The following DOP1B variants were observed in gnomAD, a reference collection of about 807,000 sequenced individuals.
The protein encoded by DOP1B is protein DOP1B.
DOP1B carries 174 observed loss-of-function variants against 233.5 expected under a neutral mutation model. The observed-to-expected ratio is 0.75, with a 90% CI of 0.66 to 0.85. The LOEUF is 0.85. Among genes scored for constraint, DOP1B ranks in the 40% least tolerant of loss-of-function variants. DOP1B has a pLI of 0.00. For missense variants in DOP1B, 2,652 were observed against 2,846.6 expected (o/e 0.93, Z 1.56); for synonymous variants, 1,190 against 1,185.6 (o/e 1.00, Z -0.08).
rs1009270201 is a variant in DOP1B at position 36,228,020 on chromosome 21, C to T, written c.1665+143C>T. 2.8e-5 allele frequency: 25 copies of T among 888,752 alleles called. No individual in the cohort carries two copies. In the Admixed American group the frequency reaches 7.3e-4, roughly 26 times the overall value. The allele number at this position is 888,752 out of a possible 1,614,324, so 55.1% of individuals were successfully genotyped here. A position where few individuals can be genotyped will look rare whatever the true frequency, so the allele number is the denominator to read the frequency against. On this transcript the variant is annotated intron_variant, in intron 13 of 36. Transcript: ENST00000691173. ...TGATATGTCAAATATGCTTGTAAAACCCTCACTTTAAAAGGTTTTAGCACC... is the reference window on the plus strand; with the variant it reads ...TGATATGTCAAATATGCTTGTAAAATCCTCACTTTAAAAGGTTTTAGCACC...
At chr21:36,228,158 A>G (rs934368519) in intron 13 of DOP1B, among the ~76,000 whole-genome samples, 4 of 151,804 alleles carry the variant, frequency 2.6e-5, no homozygotes, top group African/African-American at 9.7e-5. Flanking sequence ...GCAAGCCTTC[A>G]TCTCTCTACA....
chr21:36,227,590 T>C, intron 12 of DOP1B, 96 bp from the exon 13 acceptor site: 3 of 1,045,466 alleles, frequency 2.9e-6, no homozygotes, highest in Non-Finnish European at 4.1e-6. Context: ...GTGAAATTTA[T>C]GCCCTAAAAA....
intron 24 of DOP1B, chr21:36,261,681 G>C: frequency 1.0e-6 from 1 of 980,600 alleles, no homozygotes; most frequent in Non-Finnish European, 1.2e-6. Context: ...GCTAGAGTGG[G>C]TGAGTCACTT....
At chr21:36,256,216 C>T (rs11910590) in intron 23 of DOP1B, among the ~76,000 whole-genome samples, 34,463 of 151,940 alleles carry the variant, frequency 0.23, 4,222 homozygotes, top group African/African-American at 0.32. Flanking sequence ...GCCTGTAGTC[C>T]TAGCACTTTA....
chr21:36,245,457 G>A lies in DOP1B; in HGVS notation c.3477G>A (p.Ser1159=), dbSNP rs373231805. The A allele has an allele frequency of 1.5e-5, 24 of 1,613,770 alleles. No homozygotes were observed. The highest frequency in any genetic ancestry group is 1.6e-4 in the Middle Eastern group (1 of 6,084). Residue 1159 remains serine, a synonymous_variant, in exon 19 of 37, where the codon TCG becomes TCA. Transcript: ENST00000691173. This position sits in a 1 kb window ranked among gnomAD's most constrained non-coding sequence, Gnocchi z 5.5. Reference sequence around the variant, plus strand: ...GGGGCAGGGCGTACCCCAAGCGCTCGGCCCTGCTGGCGGCCTTCCAGTCAG... The same window carrying A: ...GGGGCAGGGCGTACCCCAAGCGCTCAGCCCTGCTGGCGGCCTTCCAGTCAG... ...PMGGRAYPKR[S]ALLAAFQSES... is the part of the protein sequence containing the mutation.
At chr21:36,282,033 G>A (rs1299979558) in intron 32 of DOP1B, among the ~76,000 whole-genome samples, 1 of 152,198 alleles carries the variant, frequency 6.6e-6, no homozygotes, top group Non-Finnish European at 1.5e-5. Flanking sequence ...GGGGTCTACT[G>A]CGTGCTTTGG....
chr21:36,280,875 G>A (rs894785144), intron 31 of DOP1B, among the ~76,000 whole-genome samples: 7 of 151,996 alleles, frequency 4.6e-5, no homozygotes, highest in Admixed American at 1.3e-4. Context: ...AGTGGCGGGC[G>A]CCTGTAGTCC....
chr21:36,175,286 T>G (rs1430772458), intron 2 of DOP1B, among the ~76,000 whole-genome samples: 1 of 151,890 alleles, frequency 6.6e-6, no homozygotes, highest in East Asian at 2.0e-4. Flanking sequence ...AATTTTTGTA[T>G]TTTTAGTAGA....
chr21:36,190,447 G>A (rs996877563), intron 2 of DOP1B, among the ~76,000 whole-genome samples: 3 of 151,470 alleles, frequency 2.0e-5, no homozygotes, highest in African/African-American at 7.3e-5. Context: ...ACTCAGGCTG[G>A]AGTGCAGTGG....
rs183791804 is a variant in DOP1B, at chr21:36,227,876, C to T, written c.1664C>T (p.Ser555Leu). The change falls in exon 13 of 37, where the codon TCG becomes TTG. Residue 555 changes from serine (S) to leucine (L), a missense_variant and splice_region_variant. By Grantham distance (145) the Ser-to-Leu change is moderately radical. Around this residue, in one of 3 missense-constraint regions of DOP1B, gnomAD observed 2,617 missense variants for 2,794.3 expected, o/e 0.94. Transcript: ENST00000691173. ...YLDTESTSGT[S>L]SPVKGENGKI... ...GACACGGAGTCCACCAGCGGAACCT[C>T]GGTGTGTACTCTGAGGGGCAGAAAT... is the stretch of plus-strand genomic sequence containing the variant. 89 of 1,591,834 alleles carry T rather than the reference C, an allele frequency of 5.6e-5. No individual in the cohort carries two copies. The East Asian group carries it at 9.5e-4, about 17-fold the overall frequency.
intron 12 of DOP1B, among the ~76,000 whole-genome samples, 161 bp from the exon 13 acceptor site, chr21:36,227,525 C>T (rs573382558): frequency 2.2e-4 from 33 of 148,720 alleles, no homozygotes; most frequent in Admixed American, 9.5e-4. Flanking sequence ...CCAGCCTGGG[C>T]TACAGAGCAA....
chr21:36,202,612 G>A (rs1227564705), intron 4 of DOP1B, among the ~76,000 whole-genome samples: 1 of 152,200 alleles, frequency 6.6e-6, no homozygotes, highest in African/African-American at 2.4e-5. Context: ...CATTTCGTGA[G>A]CTCTATATCA....
At chr21:36,181,612 A>C (rs1180565714) in intron 2 of DOP1B, among the ~76,000 whole-genome samples, 1 of 152,106 alleles carries the variant, frequency 6.6e-6, no homozygotes. Context: ...CGTGGCTTTC[A>C]CAGTTCCTCT....
Position 36,278,014 on chromosome 21 carries a change from GAGA to G in DOP1B, c.5755_5757del (p.Lys1919del). ...CCTGGACATGGTTTATCGAAGTGATGAGAAGGAGAAAGCTGTGCCGTTAATCTC... is the reference window on the plus strand; with the variant it reads ...CCTGGACATGGTTTATCGAAGTGATGAGGAGAAAGCTGTGCCGTTAATCTC... On this transcript the variant is annotated inframe_deletion, in exon 29 of 37. Coordinates refer to ENST00000691173, the MANE Select transcript of DOP1B (RefSeq NM_001320714.2). 1 of 1,614,176 alleles carries G rather than the reference GAGA, an allele frequency of 6.2e-7. No homozygotes were observed. The highest frequency in any genetic ancestry group is 8.5e-7 in the Non-Finnish European group (1 of 1,180,032).
At chr21:36,197,025 T>G (rs544363855) in intron 2 of DOP1B, among the ~76,000 whole-genome samples, 5 of 151,838 alleles carry the variant, frequency 3.3e-5, no homozygotes, top group Non-Finnish European at 7.4e-5. Flanking sequence ...CTCTGCCTCC[T>G]GGGTTCAAGT....
At chr21:36,233,778 T>C (rs2066794145) in intron 15 of DOP1B, among the ~76,000 whole-genome samples, 1 of 152,188 alleles carries the variant, frequency 6.6e-6, no homozygotes, top group African/African-American at 2.4e-5. Context: ...CTCACACCGC[T>C]CAGCTTTGGT....
At chr21:36,157,621 C>T (rs527569649) in intron 1 of DOP1B, among the ~76,000 whole-genome samples, 19 of 152,354 alleles carry the variant, frequency 1.2e-4, no homozygotes, top group Non-Finnish European at 2.1e-4. Context: ...ACCGTCCCCC[C>T]GGCCCCACAA....
chr21:36,278,182 C>A, intron 29 of DOP1B, 27 bp from the exon 30 acceptor site: 1 of 1,613,568 alleles, frequency 6.2e-7, no homozygotes. Flanking sequence ...TTGACCTTGA[C>A]CCTTCTCTCT....
At chr21:36,253,651 A>AAAAG in intron 22 of DOP1B, 121 bp from the exon 23 acceptor site, 2 of 1,186,714 alleles carry the variant, frequency 1.7e-6, no homozygotes, top group Non-Finnish European at 2.3e-6. Flanking sequence ...AAAAAAAAAA[A>AAAAG]AGAGATGAAA....
Sources: allele counts gnomAD v4.1 joint callset (sites outside exome capture counted in the v4.1 genomes callset), GRCh38; gene constraint gnomAD v4.1.1; regional missense constraint gnomAD v4.1.1; non-coding constraint Gnocchi (gnomAD v3.1); transcripts MANE v1.5; gene names NCBI Gene and HGNC (gene_info 2026-07-23, HGNC 2026-07-21).